The following MAP2 variants were observed in gnomAD, a reference collection of about 807,000 sequenced individuals.
The protein encoded by MAP2 is microtubule associated protein 2.
Under a neutral mutation model 137.6 loss-of-function variants are expected in MAP2, and 14 were observed. The observed-to-expected ratio is 0.10, with a 90% CI of 0.07 to 0.16. The LOEUF is 0.16. MAP2 is among the 10% of genes least tolerant of loss of function. MAP2 has a pLI of 1.00. For synonymous variants in MAP2, 786 were observed against 782.3 expected (o/e 1.00, Z -0.08); for missense variants, 2,088 against 2,191.5 (o/e 0.95, Z 0.94).
intron 3 of MAP2, among the ~76,000 whole-genome samples, chr2:209,609,858 ATTTC>A (rs2086205785): frequency 6.6e-6 from 1 of 152,062 alleles, no homozygotes; most frequent in Non-Finnish European, 1.5e-5. Flanking sequence ...TAGTTATTGT[ATTTC>A]TTATTATTTT....
intron 2 of MAP2, among the ~76,000 whole-genome samples, chr2:209,525,876 A>T (rs558246154): frequency 6.6e-6 from 1 of 152,146 alleles, no homozygotes; most frequent in Non-Finnish European, 1.5e-5. Flanking sequence ...ACTCTTCACT[A>T]TAGTAACTGA....
At chr2:209,540,585 C>T (rs1054108621) in intron 2 of MAP2, among the ~76,000 whole-genome samples, 4 of 125,514 alleles carry the variant, frequency 3.2e-5, no homozygotes, top group East Asian at 2.6e-4. Context: ...GAGCTGAGAT[C>T]GCGCCATTGC....
intron 3 of MAP2, among the ~76,000 whole-genome samples, chr2:209,607,017 A>C (rs2085003687): frequency 6.6e-6 from 1 of 152,156 alleles, no homozygotes; most frequent in Non-Finnish European, 1.5e-5. Flanking sequence ...AATGATGAGA[A>C]AAACTAATAG....
chr2:209,554,576 A>G (rs939404463), intron 2 of MAP2, among the ~76,000 whole-genome samples: 1 of 152,044 alleles, frequency 6.6e-6, no homozygotes, highest in Non-Finnish European at 1.5e-5. Context: ...TTGTTTGAGC[A>G]TAGGAGTTTA....
intron 1 of MAP2, among the ~76,000 whole-genome samples, chr2:209,430,242 A>G (rs984585293): frequency 6.6e-6 from 1 of 151,232 alleles, no homozygotes; most frequent in Non-Finnish European, 1.5e-5. Flanking sequence ...AAAATTTTCA[A>G]TCTGTAGCAT....
intron 2 of MAP2, among the ~76,000 whole-genome samples, chr2:209,565,375 G>T (rs2073158799): frequency 6.6e-6 from 1 of 151,756 alleles, no homozygotes; most frequent in Non-Finnish European, 1.5e-5. Flanking sequence ...ACACTACCAT[G>T]CCAGCTAATT....
At chr2:209,642,537 A>G (rs2094119323) in intron 4 of MAP2, among the ~76,000 whole-genome samples, 1 of 152,032 alleles carries the variant, frequency 6.6e-6, no homozygotes, top group Non-Finnish European at 1.5e-5. Flanking sequence ...TATTTGTACT[A>G]TCTATTTCTA....
At chr2:209,664,159 A>G (rs2045102924) in intron 5 of MAP2, among the ~76,000 whole-genome samples, 1 of 152,198 alleles carries the variant, frequency 6.6e-6, no homozygotes, top group Non-Finnish European at 1.5e-5. Context: ...TTGGGGTAGA[A>G]CCTGTGCTTC....
chr2:209,449,936 A>G (rs1418843697), intron 1 of MAP2, among the ~76,000 whole-genome samples: 1 of 151,832 alleles, frequency 6.6e-6, no homozygotes, highest in Non-Finnish European at 1.5e-5. Flanking sequence ...ATTTTCTTTT[A>G]TTCTATTTTA....
chr2:209,595,099 A>G (rs980322112), intron 3 of MAP2, among the ~76,000 whole-genome samples: 4 of 152,178 alleles, frequency 2.6e-5, no homozygotes, highest in African/African-American at 9.7e-5. Context: ...GCAATTGCAC[A>G]TTGGTATATT....
chr2:209,504,098 GAA>G (rs770236091), intron 1 of MAP2, among the ~76,000 whole-genome samples: 6 of 133,962 alleles, frequency 4.5e-5, no homozygotes, highest in Admixed American at 1.5e-4. Flanking sequence ...CCTGTCTCTG[GAA>G]AAAAAAAAAA....
At chr2:209,536,978 GTTT>G (rs1333048208) in intron 2 of MAP2, among the ~76,000 whole-genome samples, 2 of 152,078 alleles carry the variant, frequency 1.3e-5, no homozygotes, top group Non-Finnish European at 2.9e-5. Flanking sequence ...CGGGACATGT[GTTT>G]TATAGGATTT....
chr2:209,713,353 T>A (rs2066181906), intron 13 of MAP2, among the ~76,000 whole-genome samples: 1 of 152,190 alleles, frequency 6.6e-6, no homozygotes, highest in Admixed American at 6.5e-5. Flanking sequence ...AGCTATCTCT[T>A]CTGTTAAGGT....
At chr2:209,590,713 C>CT (rs2079029632) in intron 3 of MAP2, among the ~76,000 whole-genome samples, 1 of 152,176 alleles carries the variant, frequency 6.6e-6, no homozygotes, top group South Asian at 2.1e-4. Context: ...TAGCCACATT[C>CT]TTTTTACAGA....
rs2271252 is a variant in MAP2, at chr2:209,653,191, T to C, written c.21T>C (p.Asp7=). MADERK[D]EAKAPHWTSA... is the part of the protein sequence containing the mutation. ...GAAGAATGGCAGATGAACGGAAAGA[T>C]GAAGCAAAGGCACCTCACTGGACCT... The change falls in exon 5 of 16, where the codon GAT becomes GAC. Residue 7 remains aspartate, a synonymous_variant. Transcript: ENST00000682079. 0.12 allele frequency: 199,781 copies of C among 1,599,022 alleles called. 19,910 individuals are homozygous for C. Among genetic ancestry groups the C allele is most frequent in the African/African-American group, 0.53 (39,399 of 74,120 alleles).
chr2:209,641,201 A>G (rs1041283577), intron 4 of MAP2, among the ~76,000 whole-genome samples: 2 of 152,082 alleles, frequency 1.3e-5, no homozygotes, highest in Admixed American at 6.6e-5. Flanking sequence ...AATGTCTGCA[A>G]TTCTAGCCAA....
chr2:209,649,451 G>C (rs1448914977), intron 4 of MAP2, among the ~76,000 whole-genome samples: 1 of 152,104 alleles, frequency 6.6e-6, no homozygotes, highest in East Asian at 1.9e-4. Flanking sequence ...GAAGAACAGA[G>C]ATAATCTATG....
chr2:209,654,165 T>A (rs1370963037), intron 5 of MAP2, among the ~76,000 whole-genome samples: 1 of 152,234 alleles, frequency 6.6e-6, no homozygotes, highest in African/African-American at 2.4e-5. Flanking sequence ...CAAGGTATTT[T>A]AAATATTTAA....
At chr2:209,668,321 T>C (rs1024645315) in intron 5 of MAP2, among the ~76,000 whole-genome samples, 1 of 151,976 alleles carries the variant, frequency 6.6e-6, no homozygotes, top group African/African-American at 2.4e-5. Context: ...ATAAACAACA[T>C]TGAAGCAAAA....
Sources: gnomAD v4.1 joint callset for allele counts (sites outside exome capture counted in the v4.1 genomes callset) on GRCh38, gnomAD v4.1.1 for gene constraint, MANE v1.5 for transcripts, NCBI Gene and HGNC (gene_info 2026-07-23, HGNC 2026-07-21) for gene names.